The following L3MBTL1 variants were observed in gnomAD, a reference collection of about 807,000 sequenced individuals.
L3MBTL1 encodes the protein lethal(3)malignant brain tumor-like protein 1.
In L3MBTL1, 75 loss-of-function variants were observed where a neutral mutation model predicts 105.3. The observed-to-expected ratio is 0.71, with a 90% CI of 0.59 to 0.86. The LOEUF is 0.86. Among genes scored for constraint, L3MBTL1 ranks in the 40% least tolerant of loss-of-function variants. The pLI is 0.00. For missense variants in L3MBTL1, 1,069 were observed against 1,126.4 expected (o/e 0.95, Z 0.73); for synonymous variants, 452 against 436.2 (o/e 1.04, Z -0.45).
intron 15 of L3MBTL1, 118 bp from the exon 16 acceptor site, chr20:43,534,710 C>T (rs1471172952): frequency 1.4e-6 from 1 of 706,308 alleles, no homozygotes; most frequent in Non-Finnish European, 2.4e-6. Context: ...GGGTTGGCCC[C>T]TTGGTTCTTT....
At chr20:43,521,354 A>C (rs950332902) in intron 7 of L3MBTL1, among the ~76,000 whole-genome samples, 10 of 152,174 alleles carry the variant, frequency 6.6e-5, no homozygotes, top group Admixed American at 5.2e-4. Flanking sequence ...TTAATTATCT[A>C]TACTGAGATA....
At chr20:43,509,204 T>C (rs2018069521) in intron 1 of L3MBTL1, among the ~76,000 whole-genome samples, 1 of 151,894 alleles carries the variant, frequency 6.6e-6, no homozygotes, top group Admixed American at 6.6e-5. Flanking sequence ...TTTCTCTCTC[T>C]CTCCTTCCTT....
At chr20:43,523,106 C>CA (rs996779649) in intron 7 of L3MBTL1, among the ~76,000 whole-genome samples, 3 of 147,564 alleles carry the variant, frequency 2.0e-5, no homozygotes, top group Non-Finnish European at 3.0e-5. Flanking sequence ...GACCCTGTCT[C>CA]AAAAAAAAAT....
In L3MBTL1 at chr20:43,513,956, C is replaced by G. The variant is rs1226631291; in HGVS notation, c.255C>G (p.Thr85=). Residue 85 remains threonine, a synonymous_variant, in exon 3 of 22, where the codon ACC becomes ACG. Coordinates refer to ENST00000418998, the MANE Select transcript of L3MBTL1 (RefSeq NM_001377303.1). ...QVAGCEPVSA[T]VLPQLSAGPA... is the part of the protein sequence containing the mutation. ...CCGGCTGCGAACCAGTTTCTGCCAC[C>G]GTCCTGCCGCAGCTTAGCGCCGGGC... The G allele has an allele frequency of 2.6e-6, 4 of 1,549,292 alleles. No homozygotes were observed. Among genetic ancestry groups the G allele is most frequent in the South Asian group, 2.4e-5 (2 of 84,066 alleles).
chr20:43,535,968 G>A (rs1232591803), intron 17 of L3MBTL1, 32 bp downstream of exon 17: 2 of 1,596,364 alleles, frequency 1.3e-6, no homozygotes, highest in Non-Finnish European at 8.6e-7. Flanking sequence ...GAGACCCTCA[G>A]CGTTGTTTTG....
Position 43,530,861 on chromosome 20 carries a change from C to T in L3MBTL1, c.1256C>T (p.Pro419Leu), listed in dbSNP as rs1400269775. ...CGCAGCACAAGAGCTCAGGCTGCCC[C>T]CAAGCACCTGTTTGTGAGCCAGAGC... ...YLRSTRAQAA[P>L]KHLFVSQSHS... The change falls in exon 11 of 22, where the codon CCC becomes CTC. Residue 419 changes from proline (P) to leucine (L), a missense_variant. Coordinates refer to ENST00000418998, the MANE Select transcript of L3MBTL1 (RefSeq NM_001377303.1). The T allele has an allele frequency of 6.2e-7, 1 of 1,614,004 alleles. No individual in the cohort carries two copies. Among genetic ancestry groups the T allele is most frequent in the Non-Finnish European group, 8.5e-7 (1 of 1,179,948 alleles).
At chr20:43,535,057 A>G in intron 16 of L3MBTL1, 115 bp downstream of exon 16, 3 of 659,158 alleles carry the variant, frequency 4.6e-6, no homozygotes, top group Non-Finnish European at 7.8e-6. Context: ...GAGGGCTCTG[A>G]TGCCTACCAT....
At position 43,514,046 on chromosome 20, in the gene L3MBTL1, A is replaced by G. The variant is rs1429682702; in HGVS notation, c.345A>G (p.Pro115=). ...GGACAGAGGCCGCGGCCCCGCCCCC[A>G]GGGGGCGGCCTGCGGGTCAGTGTCT... ...LEWTEAAAPP[P]GGGLRFRISE... Residue 115 remains proline (P), a synonymous_variant, in exon 3 of 22, where the codon CCA becomes CCG. Transcript: ENST00000418998. The G allele has an allele frequency of 5.2e-6, 8 of 1,533,926 alleles. No homozygotes were observed. The highest frequency in any genetic ancestry group is 7.0e-6 in the Non-Finnish European group (8 of 1,145,814).
chr20:43,523,970 G>A (rs1389167892), intron 7 of L3MBTL1, among the ~76,000 whole-genome samples: 2 of 149,958 alleles, frequency 1.3e-5, no homozygotes, highest in Admixed American at 6.6e-5. Context: ...ACTCCAACCT[G>A]GGTGACAGTG....
At chr20:43,529,848 C>A (rs990745957) in intron 9 of L3MBTL1, among the ~76,000 whole-genome samples, 2 of 152,142 alleles carry the variant, frequency 1.3e-5, no homozygotes, top group Admixed American at 6.5e-5. Flanking sequence ...GCAGAAGGAG[C>A]AAAGTGGGCA....
At chr20:43,513,733 C>T in intron 2 of L3MBTL1, 94 bp downstream of exon 2, 2 of 1,539,760 alleles carry the variant, frequency 1.3e-6, no homozygotes, top group Non-Finnish European at 1.8e-6. Context: ...ACCGTTTTCA[C>T]TGTCCTCCAC....
chr20:43,511,226 G>GT (rs2018127614), intron 1 of L3MBTL1, among the ~76,000 whole-genome samples: 1 of 152,156 alleles, frequency 6.6e-6, no homozygotes, highest in Non-Finnish European at 1.5e-5. Context: ...CCCATACACT[G>GT]TTTTTTATTA....
chr20:43,547,834 G>C (rs1175967893), intron 18 of L3MBTL1, among the ~76,000 whole-genome samples: 1 of 152,208 alleles, frequency 6.6e-6, no homozygotes, highest in Non-Finnish European at 1.5e-5. Context: ...TCAGCAGAAA[G>C]AGAGAAAGAG....
intron 1 of L3MBTL1, among the ~76,000 whole-genome samples, chr20:43,510,785 A>G (rs2145365371): frequency 1.4e-5 from 2 of 146,242 alleles, no homozygotes; most frequent in East Asian, 2.1e-4. Flanking sequence ...TGGTGAGATC[A>G]TGGCTCACTG....
At chr20:43,518,945 G>A (rs2018557708) in intron 7 of L3MBTL1, among the ~76,000 whole-genome samples, 1 of 147,204 alleles carries the variant, frequency 6.8e-6, no homozygotes, top group Non-Finnish European at 1.5e-5. Context: ...AGGATAGCTT[G>A]AACCTGGGAG....
chr20:43,548,642 T>G (rs1369081951), exon 19 of L3MBTL1: 1 of 154,692 alleles, frequency 6.5e-6, no homozygotes, highest in East Asian at 1.9e-4. Flanking sequence ...GGTATCTCTG[T>G]GTACTTTTCT....
At position 43,519,040 on chromosome 20, in the gene L3MBTL1, GA is replaced by G. The variant is rs543394997; in HGVS notation, c.862+2871del. Among the ~76,000 whole-genome samples, 385 of 148,552 alleles carry G rather than the reference GA, an allele frequency of 2.6e-3. 2 individuals carry two copies. The highest frequency in any genetic ancestry group is 9.3e-3 in the African/African-American group (375 of 40,254). Reference sequence around the variant, plus strand: ...GACTCTGTCTCAGGGGGAAAAAAAAGAAAAAAAAGAATACACTTTAAGGCTA... The same window carrying G: ...GACTCTGTCTCAGGGGGAAAAAAAAGAAAAAAAGAATACACTTTAAGGCTA... On this transcript the variant is annotated intron_variant, in intron 7 of 21. Coordinates refer to ENST00000418998, the MANE Select transcript of L3MBTL1 (RefSeq NM_001377303.1).
Position 43,513,595 on chromosome 20 carries a change from C to T in L3MBTL1, c.92C>T (p.Pro31Leu), listed in dbSNP as rs1244292576. 1 of 1,550,474 alleles carries T rather than the reference C, an allele frequency of 6.4e-7. No individual in the cohort carries two copies. The highest frequency in any genetic ancestry group is 8.7e-7 in the Non-Finnish European group (1 of 1,146,998). The change falls in exon 2 of 22, where the codon CCC becomes CTC. Residue 31 changes from proline to leucine, a missense_variant. Physicochemically the swap from Pro to Leu is moderately conservative, Grantham distance 98. Transcript: ENST00000418998. ...ATGCACTTGGTGGCCGGAGACAGCC[C>T]CGGTTCTGGTCCTCACCTGCCCGCA... is the stretch of plus-strand genomic sequence containing the variant. The part of the protein sequence containing the change: ...VSMHLVAGDS[P>L]GSGPHLPATA...
In L3MBTL1 at chr20:43,541,230, A is replaced by G; in HGVS notation, c.*102A>G. 6.6e-7 allele frequency: 1 copy of G among 1,517,686 alleles called. No individual in the cohort carries two copies. The highest frequency in any genetic ancestry group is 8.8e-7 in the Non-Finnish European group (1 of 1,135,456). The allele number at this position is 1,517,686 out of a possible 1,614,324, so 94.0% of individuals were successfully genotyped here. Reference sequence around the variant, plus strand: ...ACTGCAAGGATCCTAACACACACTTAAAATCAAGAGCCAAGGAGTAGTGAG... The same window carrying G: ...ACTGCAAGGATCCTAACACACACTTGAAATCAAGAGCCAAGGAGTAGTGAG... On this transcript the variant is annotated 3_prime_UTR_variant, in exon 22 of 22. Coordinates refer to ENST00000418998, the MANE Select transcript of L3MBTL1 (RefSeq NM_001377303.1).
Sources: allele counts gnomAD v4.1 joint callset (sites outside exome capture counted in the v4.1 genomes callset), GRCh38; gene constraint gnomAD v4.1.1; transcripts MANE v1.5; gene names NCBI Gene and HGNC (gene_info 2026-07-23, HGNC 2026-07-21).